The following FBXW4 variants were observed in gnomAD, a reference collection of about 807,000 sequenced individuals.
The protein encoded by FBXW4 is F-box and WD repeat domain containing 4.
Under a neutral mutation model 61.8 loss-of-function variants are expected in FBXW4, and 40 were observed. The ratio of observed to expected loss-of-function variants is 0.65; its 90% CI spans 0.50 to 0.84. The LOEUF is 0.84. Among genes scored for constraint, FBXW4 ranks in the 40% least tolerant of loss-of-function variants. FBXW4 has a pLI of 0.00. For synonymous variants in FBXW4, 311 were observed against 313.8 expected, an observed-to-expected ratio of 0.99 and a Z score of 0.10; for missense variants, 672 against 753.8, an observed-to-expected ratio of 0.89 and a Z score of 1.27.
chr10:101,677,194 T>G (rs914090484), intron 1 of FBXW4, among the ~76,000 whole-genome samples: 1 of 152,144 alleles, frequency 6.6e-6, no homozygotes, highest in African/African-American at 2.4e-5. Flanking sequence ...AGGAATAACC[T>G]TAGAGAAACA....
At chr10:101,648,227 T>C (rs117847363) in intron 5 of FBXW4, among the ~76,000 whole-genome samples, 23 of 152,284 alleles carry the variant, frequency 1.5e-4, no homozygotes, top group Non-Finnish European at 2.9e-4. Flanking sequence ...CATAGACTTG[T>C]AGTGAAAGCA....
intron 5 of FBXW4, chr10:101,625,343 G>GA (rs985473961): frequency 1.1e-4 from 18 of 158,764 alleles, no homozygotes; most frequent in Non-Finnish European, 2.5e-4. Context: ...ATGAGAAAAG[G>GA]AAAAAATATG....
chr10:101,660,572 A>G (rs1274268811), intron 5 of FBXW4, among the ~76,000 whole-genome samples: 1 of 152,208 alleles, frequency 6.6e-6, no homozygotes, highest in African/African-American at 2.4e-5. Context: ...AACTAATTTT[A>G]ACATTAACTC....
intron 5 of FBXW4, among the ~76,000 whole-genome samples, chr10:101,636,536 T>G (rs1342492825): frequency 6.6e-6 from 1 of 152,050 alleles, no homozygotes; most frequent in Non-Finnish European, 1.5e-5. Context: ...AAGACATTCC[T>G]ACATATTTGA....
At chr10:101,612,498 TGA>T in intron 6 of FBXW4, 21 bp from the exon 7 acceptor site, 1 of 1,532,320 alleles carries the variant, frequency 6.5e-7, no homozygotes, top group African/African-American at 1.4e-5. Flanking sequence ...AAGGACGGAG[TGA>T]GAGGCTGCTC....
intron 1 of FBXW4, among the ~76,000 whole-genome samples, chr10:101,689,125 T>A (rs924749205): frequency 1.6e-5 from 1 of 62,422 alleles, no homozygotes; most frequent in Non-Finnish European, 3.1e-5. Context: ...TAGATGAAGG[T>A]TCCAGGTGCA....
chr10:101,677,869 AT>A (rs1431629196), intron 1 of FBXW4, among the ~76,000 whole-genome samples: 1 of 151,732 alleles, frequency 6.6e-6, no homozygotes, highest in East Asian at 1.9e-4. Context: ...CACTGTATAT[AT>A]TTTTTTCTTA....
chr10:101,674,522 T>C (rs1042908809), intron 2 of FBXW4, among the ~76,000 whole-genome samples: 2 of 152,156 alleles, frequency 1.3e-5, no homozygotes, highest in Non-Finnish European at 2.9e-5. Flanking sequence ...CCCATTCCCT[T>C]ATTCTGTTAG....
intron 5 of FBXW4, among the ~76,000 whole-genome samples, chr10:101,667,465 G>A (rs1304089994): frequency 6.6e-6 from 1 of 152,094 alleles, no homozygotes; most frequent in Non-Finnish European, 1.5e-5. Context: ...ATACTCCAGA[G>A]GACATTTTCC....
chr10:101,640,982 C>T (rs534815654), intron 5 of FBXW4, among the ~76,000 whole-genome samples: 239 of 152,092 alleles, frequency 1.6e-3, no homozygotes, highest in African/African-American at 5.3e-3. Context: ...TGGCACCCGC[C>T]ACCACACCCA....
intron 5 of FBXW4, among the ~76,000 whole-genome samples, chr10:101,655,497 CAT>C (rs1369742973): frequency 3.9e-5 from 6 of 152,178 alleles, no homozygotes; most frequent in Non-Finnish European, 7.3e-5. Context: ...GGCATTAACA[CAT>C]GTGTGTCTTC....
At position 101,611,204 on chromosome 10, in the gene FBXW4, A is replaced by G; in HGVS notation, c.*87T>C. ...GGCCCAGGAGCACAGTGGGGCAGTG[A>G]GGAGGAGCTATCACTGCACCCTCCA... On this transcript the variant is annotated 3_prime_UTR_variant, in exon 9 of 9. Transcript: ENST00000331272. The surrounding 1 kb of genome is among the most constrained non-coding windows in gnomAD (Gnocchi z 4.9). The G allele has an allele frequency of 6.6e-7, 1 of 1,517,346 alleles. No homozygotes were observed. The highest frequency in any genetic ancestry group is 8.9e-7 in the Non-Finnish European group (1 of 1,119,418). The allele number at this position is 1,517,346 out of a possible 1,614,324, so 94.0% of individuals were successfully genotyped here. A position where few individuals can be genotyped will look rare whatever the true frequency, so the allele number is the denominator to read the frequency against.
intron 5 of FBXW4, among the ~76,000 whole-genome samples, chr10:101,665,889 T>C (rs948881904): frequency 6.6e-6 from 1 of 152,100 alleles, no homozygotes; most frequent in Non-Finnish European, 1.5e-5. Context: ...CTTCAATCCA[T>C]ATGAAGGAAG....
chr10:101,611,121 T>G lies in FBXW4; in HGVS notation c.*170A>C, dbSNP rs1191652420. ...GGGAGGGACTGCATCTCTGGTAAGC[T>G]CCAAAGTCCCAGGAGTCAGAAGCCT... On this transcript the variant is annotated 3_prime_UTR_variant, in exon 9 of 9. Transcript: ENST00000331272. This position sits in a 1 kb window ranked among gnomAD's most constrained non-coding sequence, Gnocchi z 4.9. 1 of 813,616 alleles carries G rather than the reference T, an allele frequency of 1.2e-6. No homozygotes were observed. The highest frequency in any genetic ancestry group is 1.7e-5 in the African/African-American group (1 of 57,728). 50.4% of individuals were successfully genotyped at this position (813,616 alleles called of 1,614,324 possible). A position where few individuals can be genotyped will look rare whatever the true frequency, so the allele number is the denominator to read the frequency against.
At chr10:101,633,301 G>A (rs942984634) in intron 5 of FBXW4, among the ~76,000 whole-genome samples, 1 of 152,064 alleles carries the variant, frequency 6.6e-6, no homozygotes, top group Admixed American at 6.6e-5. Context: ...TACTATAAAG[G>A]GGACATCAAT....
intron 6 of FBXW4, among the ~76,000 whole-genome samples, chr10:101,621,651 T>G (rs568542097): frequency 1.3e-5 from 2 of 152,306 alleles, no homozygotes; most frequent in Admixed American, 6.5e-5. Flanking sequence ...TGGGAAACTC[T>G]TTCACGATAA....
chr10:101,685,588 C>A (rs2064525840), intron 1 of FBXW4, among the ~76,000 whole-genome samples: 1 of 152,154 alleles, frequency 6.6e-6, no homozygotes, highest in African/African-American at 2.4e-5. Flanking sequence ...TATAAGAGAA[C>A]AAGGTCAGGG....
Position 101,694,800 on chromosome 10 carries a change from G to T in FBXW4, c.306C>A (p.Val102=). The change falls in exon 1 of 9, where the codon GTC becomes GTA. Residue 102 remains valine (V), a synonymous_variant. Transcript: ENST00000331272. The surrounding 1 kb of genome is among the most constrained non-coding windows in gnomAD (Gnocchi z 6.0). ...EEGARGIVKG[V]EGSAGAGKEA... ...CCTTCCCGGCCCCTGCGCTCCCCTC[G>T]ACTCCCTTGACGATGCCTCTCGCCC... is the stretch of plus-strand genomic sequence containing the variant. The T allele has an allele frequency of 2.2e-6, 3 of 1,336,660 alleles. No individual in the cohort carries two copies. Among genetic ancestry groups the T allele is most frequent in the South Asian group, 2.0e-5 (1 of 50,810 alleles). The allele number at this position is 1,336,660 out of a possible 1,614,324, so 82.8% of individuals were successfully genotyped here.
intron 1 of FBXW4, among the ~76,000 whole-genome samples, chr10:101,677,036 A>C (rs995336732): frequency 6.6e-6 from 1 of 152,200 alleles, no homozygotes; most frequent in African/African-American, 2.4e-5. Flanking sequence ...CGTGATGAGG[A>C]AGTCCTCTTT....
Sources: gnomAD v4.1 joint callset for allele counts (sites outside exome capture counted in the v4.1 genomes callset) on GRCh38, gnomAD v4.1.1 for gene constraint, Gnocchi (gnomAD v3.1) non-coding constraint, MANE v1.5 for transcripts, NCBI Gene and HGNC (gene_info 2026-07-23, HGNC 2026-07-21) for gene names.